PRKD1: variants seen among roughly 807,000 people sequenced by gnomAD.
The protein encoded by PRKD1 is serine/threonine-protein kinase D1.
Under a neutral mutation model 95.9 loss-of-function variants are expected in PRKD1, and 63 were observed. The ratio of observed to expected loss-of-function variants is 0.66; its 90% CI spans 0.54 to 0.81. PRKD1 has a LOEUF of 0.81. Among genes scored for constraint, PRKD1 ranks in the 30% least tolerant of loss-of-function variants. PRKD1 has a pLI of 0.00. For missense variants in PRKD1, 1,048 were observed against 1,165.3 expected, an observed-to-expected ratio of 0.90 and a Z score of 1.47; for synonymous variants, 425 against 423.1, an observed-to-expected ratio of 1.00 and a Z score of -0.05.
intron 1 of PRKD1, among the ~76,000 whole-genome samples, chr14:29,884,018 C>T (rs1401231066): frequency 1.3e-5 from 2 of 152,096 alleles, no homozygotes; most frequent in African/African-American, 4.8e-5. Flanking sequence ...CAACTCCTAC[C>T]CTAAAATGTT....
At chr14:29,824,965 C>G (rs1480462686) in intron 1 of PRKD1, among the ~76,000 whole-genome samples, 1 of 152,066 alleles carries the variant, frequency 6.6e-6, no homozygotes, top group Non-Finnish European at 1.5e-5. Context: ...ACTGAAAAGC[C>G]AGATAATTAT....
chr14:29,841,753 T>C (rs1173015074), intron 1 of PRKD1, among the ~76,000 whole-genome samples: 1 of 152,090 alleles, frequency 6.6e-6, no homozygotes, highest in East Asian at 1.9e-4. Flanking sequence ...AATTTTTTCT[T>C]TCTTCAATAA....
intron 1 of PRKD1, among the ~76,000 whole-genome samples, chr14:29,773,335 C>G (rs530990036): frequency 1.3e-5 from 2 of 151,664 alleles, no homozygotes; most frequent in African/African-American, 4.8e-5. Flanking sequence ...TGGCACGTGC[C>G]GGTAATCCTA....
chr14:29,899,193 T>A (rs1016415485), intron 1 of PRKD1, among the ~76,000 whole-genome samples: 1 of 152,212 alleles, frequency 6.6e-6, no homozygotes, highest in Non-Finnish European at 1.5e-5. Context: ...CACATTTAGT[T>A]ACATTTATAA....
chr14:29,705,973 G>T (rs932912786), intron 2 of PRKD1, among the ~76,000 whole-genome samples: 11 of 152,136 alleles, frequency 7.2e-5, no homozygotes, highest in African/African-American at 2.2e-4. Flanking sequence ...ATTCTTTGGG[G>T]TATAAACCAA....
chr14:29,688,702 CA>C (rs1226838915), intron 2 of PRKD1, among the ~76,000 whole-genome samples: 4 of 152,006 alleles, frequency 2.6e-5, no homozygotes, highest in Admixed American at 1.3e-4. Flanking sequence ...GAAGCCAAGG[CA>C]GGCTGATTGC....
chr14:29,659,282 A>T (rs1318652356), intron 4 of PRKD1, among the ~76,000 whole-genome samples: 1 of 152,188 alleles, frequency 6.6e-6, no homozygotes, highest in Non-Finnish European at 1.5e-5. Context: ...ATTTCTTTAA[A>T]TATCATTTTG....
intron 1 of PRKD1, among the ~76,000 whole-genome samples, chr14:29,837,914 C>T (rs1218260894): frequency 6.6e-6 from 1 of 152,154 alleles, no homozygotes; most frequent in Non-Finnish European, 1.5e-5. Flanking sequence ...GGTAAATTTA[C>T]TCCATCAGTA....
chr14:29,611,334 C>A (rs532721628), intron 13 of PRKD1, among the ~76,000 whole-genome samples: 1 of 152,228 alleles, frequency 6.6e-6, no homozygotes, highest in East Asian at 1.9e-4. Context: ...TTTAAAATAT[C>A]TCTTTAAATA....
At chr14:29,864,236 A>G (rs1416033252) in intron 1 of PRKD1, among the ~76,000 whole-genome samples, 1 of 152,160 alleles carries the variant, frequency 6.6e-6, no homozygotes, top group Non-Finnish European at 1.5e-5. Context: ...AGACAACTAT[A>G]TAACTGTACA....
chr14:29,869,466 A>G (rs376529118), intron 1 of PRKD1, among the ~76,000 whole-genome samples: 20 of 152,008 alleles, frequency 1.3e-4, no homozygotes, highest in African/African-American at 2.7e-4. Flanking sequence ...AGAAGAAAGA[A>G]AGAAATATTT....
At chr14:29,847,565 C>G (rs1230639903) in intron 1 of PRKD1, among the ~76,000 whole-genome samples, 1 of 152,092 alleles carries the variant, frequency 6.6e-6, no homozygotes, top group East Asian at 1.9e-4. Flanking sequence ...AATCTTTAAA[C>G]TTGTTTACAG....
chr14:29,660,680 T>C (rs141532010), intron 4 of PRKD1, among the ~76,000 whole-genome samples: 2 of 152,270 alleles, frequency 1.3e-5, no homozygotes, highest in East Asian at 3.9e-4. Context: ...GTGGGTTCAA[T>C]TGGCTTTGAC....
intron 13 of PRKD1, among the ~76,000 whole-genome samples, chr14:29,613,404 G>A (rs1001031826): frequency 6.6e-6 from 1 of 151,988 alleles, no homozygotes; most frequent in Non-Finnish European, 1.5e-5. Context: ...ATTTAATCTT[G>A]TTCCATGAAG....
intron 1 of PRKD1, among the ~76,000 whole-genome samples, chr14:29,870,427 G>T (rs541589429): frequency 6.6e-6 from 1 of 152,140 alleles, no homozygotes; most frequent in Non-Finnish European, 1.5e-5. Context: ...GATTTGCCTT[G>T]ATAAGCATGG....
intron 4 of PRKD1, among the ~76,000 whole-genome samples, chr14:29,642,568 T>C (rs1468024145): frequency 1.3e-5 from 2 of 152,204 alleles, no homozygotes; most frequent in Non-Finnish European, 2.9e-5. Flanking sequence ...ATGAAATGTA[T>C]TATACAAAGT....
intron 1 of PRKD1, among the ~76,000 whole-genome samples, chr14:29,765,289 G>A (rs1427581044): frequency 1.3e-5 from 2 of 152,050 alleles, no homozygotes; most frequent in Admixed American, 6.6e-5. Flanking sequence ...AAACACATGC[G>A]AAAGTGCTTC....
At chr14:29,624,280 C>A in intron 12 of PRKD1, 22 bp from the exon 13 acceptor site, 1 of 1,536,716 alleles carries the variant, frequency 6.5e-7, no homozygotes, top group Middle Eastern at 1.7e-4. Flanking sequence ...AAAAGGGAAG[C>A]ATTAGTAAGT....
At chr14:29,793,277 T>C (rs1236924161) in intron 1 of PRKD1, among the ~76,000 whole-genome samples, 1 of 151,750 alleles carries the variant, frequency 6.6e-6, no homozygotes, top group Non-Finnish European at 1.5e-5. Context: ...CTTTAAGCTG[T>C]TGACAAAAAA....
Sources: allele counts gnomAD v4.1 joint callset (sites outside exome capture counted in the v4.1 genomes callset), GRCh38; gene constraint gnomAD v4.1.1; transcripts MANE v1.5; gene names NCBI Gene and HGNC (gene_info 2026-07-23, HGNC 2026-07-21).